Variants in KCND2 observed in about 807,000 individuals in gnomAD.
KCND2 encodes the protein potassium voltage-gated channel subfamily D member 2.
Under a neutral mutation model 54.4 loss-of-function variants are expected in KCND2, and 16 were observed. The ratio of observed to expected loss-of-function variants is 0.29; its 90% CI spans 0.20 to 0.45. The LOEUF is 0.45. Among genes scored for constraint, KCND2 ranks in the 20% least tolerant of loss-of-function variants. The probability of loss-of-function intolerance (pLI) is 1.00; values close to 1 mark genes in which losing one functional copy is unlikely to be tolerated. For synonymous variants in KCND2, 317 were observed against 310.7 expected (o/e 1.02, Z -0.21); for missense variants, 486 against 824.2 (o/e 0.59, Z 5.02).
At chr7:120,673,886 C>T (rs1294161762) in intron 1 of KCND2, among the ~76,000 whole-genome samples, 3 of 151,500 alleles carry the variant, frequency 2.0e-5, no homozygotes, top group Non-Finnish European at 4.4e-5. Flanking sequence ...CAGCCTTCCC[C>T]TCATTACCTG....
chr7:120,309,890 T>A (rs2116312000), intron 1 of KCND2, among the ~76,000 whole-genome samples: 1 of 152,330 alleles, frequency 6.6e-6, no homozygotes, highest in Non-Finnish European at 1.5e-5. Flanking sequence ...TTTCTTTTCA[T>A]GGGCCAAAGT....
At chr7:120,305,728 G>C (rs757385168) in intron 1 of KCND2, among the ~76,000 whole-genome samples, 1 of 152,090 alleles carries the variant, frequency 6.6e-6, no homozygotes, top group Non-Finnish European at 1.5e-5. Context: ...GAATCCAAAT[G>C]TGTCTGTCCC....
chr7:120,663,682 A>G (rs1791892907), intron 1 of KCND2, among the ~76,000 whole-genome samples: 1 of 152,168 alleles, frequency 6.6e-6, no homozygotes, highest in South Asian at 2.1e-4. Context: ...TTACATACAG[A>G]TGATTACATG....
At chr7:120,464,757 C>A (rs150728036) in intron 1 of KCND2, among the ~76,000 whole-genome samples, 16 of 152,224 alleles carry the variant, frequency 1.1e-4, no homozygotes, top group African/African-American at 3.6e-4. Context: ...TGCTGCCTTG[C>A]GGCCAAGGGG....
chr7:120,502,088 G>A (rs1250283031), intron 1 of KCND2, among the ~76,000 whole-genome samples: 2 of 152,038 alleles, frequency 1.3e-5, no homozygotes, highest in Non-Finnish European at 2.9e-5. Context: ...TCAGTGGAAA[G>A]AGTTCTCTAG....
intron 1 of KCND2, among the ~76,000 whole-genome samples, chr7:120,651,738 C>T (rs1562899018): frequency 6.6e-6 from 1 of 152,162 alleles, no homozygotes; most frequent in Non-Finnish European, 1.5e-5. Context: ...GGAGCTGTTC[C>T]TATTCGGCCA....
At chr7:120,414,749 G>A (rs531824810) in intron 1 of KCND2, among the ~76,000 whole-genome samples, 12 of 151,914 alleles carry the variant, frequency 7.9e-5, no homozygotes, top group South Asian at 2.1e-4. Flanking sequence ...CATTGTCATC[G>A]GCCTCTCTTC....
chr7:120,332,127 A>G (rs1050039098), intron 1 of KCND2, among the ~76,000 whole-genome samples: 1 of 152,040 alleles, frequency 6.6e-6, no homozygotes, highest in Non-Finnish European at 1.5e-5. Flanking sequence ...ATCATTAATT[A>G]TCTCCAATAC....
chr7:120,514,663 C>A (rs1400239061), intron 1 of KCND2, among the ~76,000 whole-genome samples: 1 of 152,008 alleles, frequency 6.6e-6, no homozygotes, highest in Non-Finnish European at 1.5e-5. Context: ...CTTTTTGGCA[C>A]TAGGGACTGG....
intron 1 of KCND2, among the ~76,000 whole-genome samples, chr7:120,579,821 T>C (rs899914316): frequency 1.3e-5 from 2 of 152,112 alleles, no homozygotes; most frequent in African/African-American, 4.8e-5. Flanking sequence ...CACACTGTAA[T>C]TATCTGTGGA....
chr7:120,396,894 C>A (rs557999677), intron 1 of KCND2, among the ~76,000 whole-genome samples: 2 of 152,024 alleles, frequency 1.3e-5, no homozygotes, highest in Non-Finnish European at 2.9e-5. Context: ...TGCTAAATGA[C>A]TTTACTGTCT....
intron 1 of KCND2, among the ~76,000 whole-genome samples, chr7:120,587,422 G>A (rs752372555): frequency 6.6e-5 from 10 of 152,086 alleles, no homozygotes; most frequent in Non-Finnish European, 8.8e-5. Flanking sequence ...AATTTTAGCC[G>A]GAAGGCAGCT....
At chr7:120,736,955 C>T (rs1792877875) in intron 2 of KCND2, among the ~76,000 whole-genome samples, 1 of 150,616 alleles carries the variant, frequency 6.6e-6, no homozygotes, top group South Asian at 2.1e-4. Flanking sequence ...AAAGACACTA[C>T]CCATATGTAG....
chr7:120,716,340 T>A (rs1012343855), intron 1 of KCND2, among the ~76,000 whole-genome samples: 1 of 152,152 alleles, frequency 6.6e-6, no homozygotes, highest in African/African-American at 2.4e-5. Context: ...AATGGCCACT[T>A]ATGACTTTCC....
intron 1 of KCND2, among the ~76,000 whole-genome samples, chr7:120,385,615 T>C (rs1293661256): frequency 3.9e-5 from 6 of 152,136 alleles, no homozygotes; most frequent in South Asian, 2.1e-4. Context: ...CAATAACTTA[T>C]GTAGATAAAC....
chr7:120,545,862 T>G (rs571030501), intron 1 of KCND2, among the ~76,000 whole-genome samples: 11 of 151,730 alleles, frequency 7.2e-5, no homozygotes, highest in Non-Finnish European at 1.3e-4. Context: ...TCAGTGACTG[T>G]TGTTCAAAAA....
rs531443838 is a variant in KCND2 at position 120,279,836 on chromosome 7, G to C, written c.1115+4089G>C. Among the ~76,000 whole-genome samples the C allele has an allele frequency of 3.5e-3, 532 of 151,770 alleles. 3 individuals are homozygous for C. The highest frequency in any genetic ancestry group is 0.012 in the African/African-American group (514 of 41,470). Reference sequence around the variant, plus strand: ...TATCTATGATATACGATAACATTATGTTATAATTATATATTATTAAAGAGA... The same window carrying C: ...TATCTATGATATACGATAACATTATCTTATAATTATATATTATTAAAGAGA... On this transcript the variant is annotated intron_variant, in intron 1 of 5. Coordinates refer to ENST00000331113, the MANE Select transcript of KCND2 (RefSeq NM_012281.3).
intron 1 of KCND2, among the ~76,000 whole-genome samples, chr7:120,497,498 C>A (rs952422747): frequency 7.9e-5 from 12 of 152,286 alleles, no homozygotes; most frequent in Middle Eastern, 3.4e-3. Context: ...TTAGAACTTT[C>A]AAATGATAGA....
chr7:120,432,540 C>T (rs1222555480), intron 1 of KCND2, among the ~76,000 whole-genome samples: 1 of 152,038 alleles, frequency 6.6e-6, no homozygotes, highest in Admixed American at 6.6e-5. Flanking sequence ...ATTTTCTGAA[C>T]GTAACTTAAA....
Sources: allele counts gnomAD v4.1 joint callset (sites outside exome capture counted in the v4.1 genomes callset), GRCh38; gene constraint gnomAD v4.1.1; transcripts MANE v1.5; gene names NCBI Gene and HGNC (gene_info 2026-07-23, HGNC 2026-07-21).